The following GTF3C1 variants were observed in gnomAD, a reference collection of about 807,000 sequenced individuals.
The protein encoded by GTF3C1 is general transcription factor IIIC subunit 1, also known as general transcription factor 3C polypeptide 1.
Under a neutral mutation model 226.7 loss-of-function variants are expected in GTF3C1, and 57 were observed. That is an observed-to-expected ratio of 0.25 (90% confidence interval 0.20 to 0.31). The LOEUF (loss-of-function observed/expected upper bound fraction) is 0.31. Among genes scored for constraint, GTF3C1 ranks in the 10% least tolerant of loss-of-function variants. The pLI is 1.00. For synonymous variants in GTF3C1, 1,090 were observed against 1,084.8 expected (o/e 1.00, Z -0.09); for missense variants, 2,217 against 2,776.1 (o/e 0.80, Z 4.53).
At position 27,495,327 on chromosome 16, in the gene GTF3C1, G is replaced by C. The variant is rs1251882863; in HGVS notation, c.2516C>G (p.Ala839Gly). 6.2e-7 allele frequency: 1 copy of C among 1,613,848 alleles called. No individual in the cohort carries two copies. Among genetic ancestry groups the C allele is most frequent in the East Asian group, 2.2e-5 (1 of 44,876 alleles). The change falls in exon 15 of 37, where the codon GCA (alanine) becomes GGA (glycine). Residue 839 changes from alanine to glycine, a missense_variant. This residue lies in a region of GTF3C1 where 353 missense variants were observed against 411.7 expected (regional missense o/e 0.86). Transcript: ENST00000356183. The part of the protein sequence containing the change: ...RRTIKQESGR[A>G]GVRPSSSGSA... ...TCCAGAGGAGGACGGCCGGACGCCT[G>C]CCCTGCCTGACTCCTGCTTTATCGT...
intron 2 of GTF3C1, among the ~76,000 whole-genome samples, chr16:27,542,832 T>C (rs2089107601): frequency 6.6e-6 from 1 of 152,182 alleles, no homozygotes; most frequent in Non-Finnish European, 1.5e-5. Flanking sequence ...ACGTAAGTCT[T>C]GCCAGAAGCC....
At position 27,470,340 on chromosome 16, in the gene GTF3C1, C is replaced by T. The variant is rs200246827; in HGVS notation, c.4582G>A (p.Asp1528Asn). The T allele has an allele frequency of 2.2e-5, 36 of 1,614,012 alleles. 1 individual carries two copies. The East Asian group carries it at 7.1e-4, about 32-fold the overall frequency. The change falls in exon 31 of 37, where the codon GAC becomes AAC. Residue 1528 changes from aspartate (D) to asparagine (N), a missense_variant. Around this residue, in one of 12 missense-constraint regions of GTF3C1, gnomAD observed 546 missense variants for 663.0 expected, o/e 0.82. Coordinates refer to ENST00000356183, the MANE Select transcript of GTF3C1 (RefSeq NM_001520.4). The surrounding 1 kb of genome is among the most constrained non-coding windows in gnomAD (Gnocchi z 4.9). ...AACTTGCCGGCAGCCCGCATTCTGT[C>T]CAAAAACTGGAATGACTCCGTGCAG... ...TICTESFQFL[D>N]RMRAAGKLDQ...
intron 2 of GTF3C1, among the ~76,000 whole-genome samples, chr16:27,543,459 T>C (rs771513866): frequency 3.3e-5 from 5 of 152,204 alleles, no homozygotes; most frequent in Admixed American, 6.5e-5. Context: ...GGTGCAATCA[T>C]AACTCACTGA....
Position 27,494,862 on chromosome 16 carries a change from T to A in GTF3C1, c.2679A>T (p.Pro893=), listed in dbSNP as rs1015265302. The change falls in exon 16 of 37, where the codon CCA becomes CCT. Residue 893 remains proline (P), a synonymous_variant. Transcript: ENST00000356183. ...AGCCAAAGCCGAAGTCCCTGTGGACTGGGATTGGGGGGATGTAGCGCATCC... is the reference window on the plus strand; with the variant it reads ...AGCCAAAGCCGAAGTCCCTGTGGACAGGGATTGGGGGGATGTAGCGCATCC... ...ASWMRYIPPI[P]VHRDFGFGWA... The A allele has an allele frequency of 1.2e-6, 2 of 1,612,810 alleles. No homozygotes were observed. Among genetic ancestry groups the A allele is most frequent in the Non-Finnish European group, 1.7e-6 (2 of 1,178,962 alleles).
In GTF3C1 at chr16:27,488,382, C is replaced by T. The variant is rs763147477; in HGVS notation, c.3545G>A (p.Arg1182Lys). ...NSRLNIWGEA[R>K]VGSELCAGWE... Reference sequence around the variant, plus strand: ...GCCAGCACAGAGCTCGGAGCCTACTCTTGCTTCCCCCCAAATATTCAACCT... The same window carrying T: ...GCCAGCACAGAGCTCGGAGCCTACTTTTGCTTCCCCCCAAATATTCAACCT... Residue 1182 changes from arginine to lysine, a missense_variant, in exon 23 of 37, where the codon AGA becomes AAA. By Grantham distance (26) the Arg-to-Lys change is conservative. This residue lies in a region of GTF3C1 where 546 missense variants were observed against 663.0 expected (regional missense o/e 0.82). Coordinates refer to ENST00000356183, the MANE Select transcript of GTF3C1 (RefSeq NM_001520.4). The T allele has an allele frequency of 6.2e-7, 1 of 1,613,698 alleles. No homozygotes were observed. The highest frequency in any genetic ancestry group is 8.5e-7 in the Non-Finnish European group (1 of 1,179,554).
intron 16 of GTF3C1, 65 bp downstream of exon 16, chr16:27,494,698 A>T: frequency 8.3e-7 from 1 of 1,206,446 alleles, no homozygotes; most frequent in Non-Finnish European, 1.2e-6. Context: ...TGCCCAGGTG[A>T]GTGTAGGCCC....
At chr16:27,465,971 C>T (rs1232454928) in intron 32 of GTF3C1, 2 of 182,170 alleles carry the variant, frequency 1.1e-5, no homozygotes, top group Admixed American at 5.3e-5. Flanking sequence ...CTTCTACACA[C>T]CCTACTTTTG....
chr16:27,476,706 T>C (rs1483497186), intron 28 of GTF3C1, among the ~76,000 whole-genome samples, 162 bp from the exon 29 acceptor site: 1 of 152,256 alleles, frequency 6.6e-6, no homozygotes, highest in Non-Finnish European at 1.5e-5. Flanking sequence ...TAGGCTTTAC[T>C]AACAGGTCCA....
chr16:27,485,620 G>A (rs2141370722), intron 24 of GTF3C1, among the ~76,000 whole-genome samples: 1 of 152,300 alleles, frequency 6.6e-6, no homozygotes, highest in Admixed American at 6.5e-5. Flanking sequence ...CTGCAGCTAG[G>A]CAAACATTTA....
At chr16:27,510,359 A>G (rs2088555032) in intron 7 of GTF3C1, among the ~76,000 whole-genome samples, 1 of 151,670 alleles carries the variant, frequency 6.6e-6, no homozygotes, top group Non-Finnish European at 1.5e-5. Flanking sequence ...GCACTCGAGC[A>G]TGGGCGACAC....
intron 6 of GTF3C1, among the ~76,000 whole-genome samples, chr16:27,517,367 C>A (rs1448837780): frequency 6.6e-6 from 1 of 152,170 alleles, no homozygotes; most frequent in East Asian, 1.9e-4. Context: ...GCCACAGGGG[C>A]AGAGCAAGAC....
At chr16:27,504,875 G>A (rs1373835811) in intron 10 of GTF3C1, among the ~76,000 whole-genome samples, 1 of 152,182 alleles carries the variant, frequency 6.6e-6, no homozygotes, top group Non-Finnish European at 1.5e-5. Flanking sequence ...AGGCTGCAGT[G>A]AGCCGAGCTC....
chr16:27,529,868 T>C (rs976317928), intron 5 of GTF3C1, among the ~76,000 whole-genome samples: 6 of 152,218 alleles, frequency 3.9e-5, no homozygotes, highest in African/African-American at 1.4e-4. Context: ...TCAGTTGCCA[T>C]TTATCACCAT....
intron 1 of GTF3C1, 23 bp downstream of exon 1, chr16:27,549,647 G>T: frequency 2.0e-5 from 11 of 551,620 alleles, no homozygotes; most frequent in Non-Finnish European, 3.0e-5. Context: ...CCGCCCGCCC[G>T]CCAGGCCAGG....
rs1359541740 is a variant in GTF3C1, at chr16:27,521,016, GCCTCCCCAAT to G, written c.973+7572_973+7581del. Among the ~76,000 whole-genome samples, 70 of 152,338 alleles carry G rather than the reference GCCTCCCCAAT, an allele frequency of 4.6e-4. 1 individual carries two copies. The highest frequency in any genetic ancestry group is 1.7e-3 in the African/African-American group (69 of 41,594). The stretch of plus-strand genomic sequence containing the variant: ...TTAGAGGCCTAAGCCACAGCGCCCA[GCCTCCCCAAT>G]GCTCTTAAAGCGCGATCAATAGATG... On this transcript the variant is annotated intron_variant, in intron 6 of 36. Transcript: ENST00000356183.
Position 27,463,317 on chromosome 16 carries a change from G to T in GTF3C1, c.5924+224C>A. On this transcript the variant is annotated intron_variant, in intron 35 of 36. Transcript: ENST00000356183. The surrounding 1 kb of genome is among the most constrained non-coding windows in gnomAD (Gnocchi z 4.9). ...CACCAGCGCCCTGGGCATTCTGGAAGCGCAGCCCTCATTCCAGGCCGACCT... is the reference window on the plus strand; with the variant it reads ...CACCAGCGCCCTGGGCATTCTGGAATCGCAGCCCTCATTCCAGGCCGACCT... 3.5e-6 allele frequency: 2 copies of T among 576,810 alleles called. No homozygotes were observed. Among genetic ancestry groups the T allele is most frequent in the Non-Finnish European group, 3.1e-6 (1 of 325,830 alleles). The allele number at this position is 576,810 out of a possible 1,614,324, so 35.7% of individuals were successfully genotyped here.
At chr16:27,505,120 C>G (rs982122111) in intron 10 of GTF3C1, among the ~76,000 whole-genome samples, 1 of 152,104 alleles carries the variant, frequency 6.6e-6, no homozygotes, top group Admixed American at 6.6e-5. Flanking sequence ...ATTAGGTGAA[C>G]CGAATCACAT....
In GTF3C1 at chr16:27,511,722, C is replaced by A. The variant is rs535270292; in HGVS notation, c.1126+27G>T. 16 of 1,610,480 alleles carry A rather than the reference C, an allele frequency of 9.9e-6. No individual in the cohort carries two copies. The South Asian group carries it at 1.5e-4, about 16-fold the overall frequency. On this transcript the variant is annotated intron_variant, in intron 7 of 36. Coordinates refer to ENST00000356183, the MANE Select transcript of GTF3C1 (RefSeq NM_001520.4). ...TGACTCAAATTCTCGGGATCCATAT[C>A]CAAGCTGGCATGGGAACAAGACTTA...
Position 27,492,203 on chromosome 16 carries a change from G to A in GTF3C1, c.3151+135C>T. On this transcript the variant is annotated intron_variant, in intron 19 of 36. Coordinates refer to ENST00000356183, the MANE Select transcript of GTF3C1 (RefSeq NM_001520.4). This position sits in a 1 kb window ranked among gnomAD's most constrained non-coding sequence, Gnocchi z 5.0. Reference sequence around the variant, plus strand: ...TCCTTTCCAAGGGAGCCCCAGGGGTGCTCTGGGCCTCTGGGGAGCACTCGG... The same window carrying A: ...TCCTTTCCAAGGGAGCCCCAGGGGTACTCTGGGCCTCTGGGGAGCACTCGG... 1.6e-6 allele frequency: 1 copy of A among 616,278 alleles called. No individual in the cohort carries two copies. The highest frequency in any genetic ancestry group is 2.9e-6 in the Non-Finnish European group (1 of 347,204). 38.2% of individuals were successfully genotyped at this position (616,278 alleles called of 1,614,324 possible).
Sources: allele counts gnomAD v4.1 joint callset (sites outside exome capture counted in the v4.1 genomes callset), GRCh38; gene constraint gnomAD v4.1.1; regional missense constraint gnomAD v4.1.1; non-coding constraint Gnocchi (gnomAD v3.1); transcripts MANE v1.5; gene names NCBI Gene and HGNC (gene_info 2026-07-23, HGNC 2026-07-21).